The following KSR2 variants were observed in gnomAD, a reference collection of about 807,000 sequenced individuals.
The protein encoded by KSR2 is kinase suppressor of ras 2.
A neutral mutation model predicts 107.8 loss-of-function variants in KSR2; 25 were observed. The ratio of observed to expected loss-of-function variants is 0.23; its 90% CI spans 0.17 to 0.32. KSR2 has a LOEUF of 0.32. Among genes scored for constraint, KSR2 ranks in the 10% least tolerant of loss-of-function variants. The pLI, the probability that KSR2 is intolerant of heterozygous loss-of-function variation, is 1.00. For synonymous variants in KSR2, 480 were observed against 507.0 expected (o/e 0.95, Z 0.71); for missense variants, 887 against 1,268.9 (o/e 0.70, Z 4.57).
intron 3 of KSR2, among the ~76,000 whole-genome samples, chr12:117,779,499 C>T (rs979722): frequency 0.52 from 79,052 of 151,918 alleles, 22,227 homozygotes; most frequent in African/African-American, 0.73. Context: ...AGTGGGCCTG[C>T]TATCTTTGTT....
intron 1 of KSR2, among the ~76,000 whole-genome samples, chr12:117,941,613 C>CTTTTTTT (rs139487553): frequency 2.3e-4 from 12 of 52,968 alleles, no homozygotes; most frequent in East Asian, 7.2e-4. Context: ...ACAGGCTTTC[C>CTTTTTTT]TTTTTTTTTT....
intron 7 of KSR2, among the ~76,000 whole-genome samples, chr12:117,567,248 G>A (rs1202480088): frequency 1.3e-5 from 2 of 152,172 alleles, no homozygotes; most frequent in East Asian, 3.9e-4. Context: ...TGGCTGAGCT[G>A]AGCTTGAAAG....
chr12:117,649,908 GGTT>G (rs897782113), intron 5 of KSR2, among the ~76,000 whole-genome samples: 11 of 152,148 alleles, frequency 7.2e-5, no homozygotes, highest in Admixed American at 5.2e-4. Flanking sequence ...TCTGGCCTGG[GGTT>G]GGAGGAGTGC....
chr12:117,751,766 A>C (rs781464195), intron 4 of KSR2, among the ~76,000 whole-genome samples: 9 of 152,166 alleles, frequency 5.9e-5, no homozygotes, highest in Non-Finnish European at 1.2e-4. Context: ...GCAAAAAAGA[A>C]TGGCCCCTGA....
intron 5 of KSR2, among the ~76,000 whole-genome samples, chr12:117,660,982 C>A (rs1238703341): frequency 6.6e-6 from 1 of 152,178 alleles, no homozygotes; most frequent in Non-Finnish European, 1.5e-5. Flanking sequence ...CACAGAAGGA[C>A]CTTAAGTCTC....
intron 1 of KSR2, among the ~76,000 whole-genome samples, chr12:117,867,755 A>G (rs1453196687): frequency 1.3e-5 from 2 of 152,202 alleles, no homozygotes; most frequent in East Asian, 1.9e-4. Context: ...AGGCCATCTC[A>G]GATCAGATGA....
chr12:117,672,629 A>G (rs1884957738), intron 4 of KSR2, among the ~76,000 whole-genome samples: 1 of 151,238 alleles, frequency 6.6e-6, no homozygotes, highest in South Asian at 2.1e-4. Context: ...TATCCAACAA[A>G]CTTTTTTTTT....
chr12:117,774,328 A>G (rs112627955), intron 3 of KSR2, among the ~76,000 whole-genome samples: 3 of 152,364 alleles, frequency 2.0e-5, no homozygotes, highest in African/African-American at 7.2e-5. Context: ...TGAAAAACAT[A>G]CAGTTGCCAA....
At chr12:117,697,513 C>T (rs752437371) in intron 4 of KSR2, among the ~76,000 whole-genome samples, 7 of 152,142 alleles carry the variant, frequency 4.6e-5, no homozygotes, top group South Asian at 2.1e-4. Flanking sequence ...GAGGCCAAGG[C>T]GGGCAGATCA....
At chr12:117,671,983 C>A (rs1378290794) in intron 4 of KSR2, among the ~76,000 whole-genome samples, 2 of 152,328 alleles carry the variant, frequency 1.3e-5, no homozygotes, top group Non-Finnish European at 2.9e-5. Flanking sequence ...TGCTCGCTGG[C>A]TTGAGGGAGT....
At chr12:117,779,170 T>A (rs1430624536) in intron 3 of KSR2, among the ~76,000 whole-genome samples, 1 of 152,158 alleles carries the variant, frequency 6.6e-6, no homozygotes, top group Non-Finnish European at 1.5e-5. Flanking sequence ...CAGAGAGAAA[T>A]GTGGATACTT....
chr12:117,834,825 G>T (rs550614381), intron 3 of KSR2, among the ~76,000 whole-genome samples: 1 of 152,324 alleles, frequency 6.6e-6, no homozygotes, highest in South Asian at 2.1e-4. Flanking sequence ...AAACAGTATT[G>T]CAGGCAGAAG....
intron 3 of KSR2, among the ~76,000 whole-genome samples, chr12:117,804,057 G>T (rs1890928140): frequency 6.6e-6 from 1 of 152,050 alleles, no homozygotes; most frequent in Non-Finnish European, 1.5e-5. Flanking sequence ...GTTTTTTGGG[G>T]TTTGAGACAG....
intron 5 of KSR2, among the ~76,000 whole-genome samples, chr12:117,632,025 TCTGA>T (rs1366944078): frequency 9.9e-5 from 15 of 152,204 alleles, no homozygotes; most frequent in Non-Finnish European, 2.1e-4. Context: ...CTGCCAAAAT[TCTGA>T]CTATTTTTTC....
At chr12:117,728,825 G>A (rs1887550464) in intron 4 of KSR2, among the ~76,000 whole-genome samples, 1 of 152,128 alleles carries the variant, frequency 6.6e-6, no homozygotes, top group African/African-American at 2.4e-5. Flanking sequence ...CATGCCAGGG[G>A]GTCACTGCAA....
chr12:117,627,371 C>T (rs1882577164), intron 5 of KSR2, among the ~76,000 whole-genome samples: 1 of 152,162 alleles, frequency 6.6e-6, no homozygotes, highest in Non-Finnish European at 1.5e-5. Context: ...GTGCTTCCTT[C>T]AGGAACTCTT....
intron 3 of KSR2, among the ~76,000 whole-genome samples, chr12:117,809,504 C>G (rs78371467): frequency 0.045 from 6,908 of 152,268 alleles, 217 homozygotes; most frequent in East Asian, 0.092. Flanking sequence ...AGTTGAGATT[C>G]ACCAATCGAC....
intron 6 of KSR2, among the ~76,000 whole-genome samples, chr12:117,580,993 A>G (rs1879628235): frequency 6.6e-6 from 1 of 152,200 alleles, no homozygotes; most frequent in African/African-American, 2.4e-5. Flanking sequence ...GCAGAGCCAG[A>G]GAGCAGTGAG....
chr12:117,850,241 ACTGAAGTAT>A, intron 3 of KSR2, among the ~76,000 whole-genome samples: 1 of 147,092 alleles, frequency 6.8e-6, no homozygotes, highest in South Asian at 2.2e-4. Context: ...CCTGGTGGTC[ACTGAAGTAT>A]CTGCTGTTCC....
Sources: allele counts gnomAD v4.1 joint callset (sites outside exome capture counted in the v4.1 genomes callset), GRCh38; gene constraint gnomAD v4.1.1; transcripts MANE v1.5; gene names NCBI Gene and HGNC (gene_info 2026-07-23, HGNC 2026-07-21).